TANGO6: variants seen among roughly 807,000 people sequenced by gnomAD.
The protein encoded by TANGO6 is transport and golgi organization 6 homolog.
In TANGO6, 90 loss-of-function variants were observed where a neutral mutation model predicts 114.2. The ratio of observed to expected loss-of-function variants is 0.79; its 90% CI spans 0.66 to 0.94. The LOEUF (loss-of-function observed/expected upper bound fraction) is 0.94. TANGO6 is among the 40% of genes least tolerant of loss of function. The pLI is 0.00. For missense variants in TANGO6, 1,274 were observed against 1,315.3 expected, an observed-to-expected ratio of 0.97 and a Z score of 0.49; for synonymous variants, 477 against 509.8, an observed-to-expected ratio of 0.94 and a Z score of 0.87.
At chr16:68,898,898 G>A (rs1475978240) in intron 7 of TANGO6, among the ~76,000 whole-genome samples, 11 of 151,682 alleles carry the variant, frequency 7.3e-5, no homozygotes, top group Non-Finnish European at 1.5e-5. Context: ...TTTAATTGGA[G>A]TTTTGAATAA....
At chr16:68,890,911 G>C (rs1408653911) in intron 7 of TANGO6, among the ~76,000 whole-genome samples, 6 of 152,014 alleles carry the variant, frequency 3.9e-5, no homozygotes, top group African/African-American at 1.5e-4. Flanking sequence ...TCTAATCCCA[G>C]CTATTCAGGA....
At chr16:68,845,070 C>G (rs1483600549) in intron 1 of TANGO6, among the ~76,000 whole-genome samples, 2 of 150,470 alleles carry the variant, frequency 1.3e-5, no homozygotes, top group Admixed American at 1.3e-4. Flanking sequence ...CAGGTTCAAG[C>G]GATTCTCCTG....
intron 14 of TANGO6, among the ~76,000 whole-genome samples, chr16:68,938,706 C>T (rs1244916639): frequency 6.6e-6 from 1 of 151,990 alleles, no homozygotes; most frequent in Admixed American, 6.6e-5. Flanking sequence ...CCCACATCAG[C>T]AGGGAAGTAT....
intron 11 of TANGO6, among the ~76,000 whole-genome samples, chr16:68,910,653 G>A (rs139062090): frequency 6.0e-4 from 92 of 152,246 alleles, no homozygotes; most frequent in African/African-American, 1.9e-3. Flanking sequence ...GTCACTGCTC[G>A]TGATAATATT....
chr16:68,959,979 GA>G (rs1440147663), intron 14 of TANGO6, among the ~76,000 whole-genome samples: 2 of 152,176 alleles, frequency 1.3e-5, no homozygotes, highest in Admixed American at 1.3e-4. Context: ...GAGGTGTGAG[GA>G]ATGTTTTGTT....
intron 15 of TANGO6, among the ~76,000 whole-genome samples, chr16:68,985,670 G>T (rs1597048022): frequency 6.6e-6 from 1 of 152,226 alleles, no homozygotes; most frequent in East Asian, 1.9e-4. Flanking sequence ...CCATGATTGT[G>T]CCACTGTACT....
chr16:69,034,773 G>C (rs1184933269), intron 16 of TANGO6: 1 of 151,964 alleles, frequency 6.6e-6, no homozygotes, highest in Non-Finnish European at 1.5e-5. Context: ...TAAAGTATAG[G>C]CTCAACCCTT....
intron 17 of TANGO6, among the ~76,000 whole-genome samples, chr16:69,053,071 G>A (rs377223786): frequency 6.6e-6 from 1 of 152,082 alleles, no homozygotes; most frequent in East Asian, 1.9e-4. Flanking sequence ...TCGTGCCACT[G>A]TACTCCTGGC....
intron 17 of TANGO6, among the ~76,000 whole-genome samples, chr16:69,081,495 C>A (rs1467524373): frequency 6.6e-6 from 1 of 151,762 alleles, no homozygotes; most frequent in Non-Finnish European, 1.5e-5. Context: ...AGGTGCGTGC[C>A]ACCACACCTG....
intron 16 of TANGO6, among the ~76,000 whole-genome samples, chr16:69,024,303 G>A (rs1428595267): frequency 6.8e-6 from 1 of 146,080 alleles, no homozygotes; most frequent in Non-Finnish European, 1.5e-5. Context: ...GTCTCGCTCT[G>A]TAGCCCAGGC....
chr16:68,987,357 T>C (rs905992192), intron 15 of TANGO6, among the ~76,000 whole-genome samples: 2 of 152,176 alleles, frequency 1.3e-5, no homozygotes, highest in Non-Finnish European at 2.9e-5. Context: ...TTGCTGTTGT[T>C]GTTGCTGTTG....
intron 7 of TANGO6, among the ~76,000 whole-genome samples, chr16:68,884,005 G>T (rs1344045650): frequency 1.3e-5 from 2 of 152,036 alleles, no homozygotes; most frequent in African/African-American, 2.4e-5. Context: ...CACCTCCCAG[G>T]TTCAAGCGAT....
At chr16:68,884,371 C>T (rs1285068792) in intron 7 of TANGO6, among the ~76,000 whole-genome samples, 1 of 152,138 alleles carries the variant, frequency 6.6e-6, no homozygotes, top group Non-Finnish European at 1.5e-5. Flanking sequence ...GAATATAATG[C>T]TGTTTTTATT....
intron 14 of TANGO6, among the ~76,000 whole-genome samples, chr16:68,939,030 C>G (rs1963324558): frequency 6.8e-6 from 1 of 146,670 alleles, no homozygotes; most frequent in African/African-American, 2.5e-5. Flanking sequence ...TATGATCACA[C>G]CACTGCACTC....
At position 68,921,435 on chromosome 16, in the gene TANGO6, C is replaced by T. The variant is rs926509910; in HGVS notation, c.2127+2216C>T. Reference sequence around the variant, plus strand: ...CTGACCTCAAGTGATTCACCCGCCTCGGCCTCCCAAAGTGTTACAGGCATG... The same window carrying T: ...CTGACCTCAAGTGATTCACCCGCCTTGGCCTCCCAAAGTGTTACAGGCATG... On this transcript the variant is annotated intron_variant, in intron 12 of 17. Transcript: ENST00000261778. 7.9e-5 allele frequency among the ~76,000 whole-genome samples: 12 copies of T among 152,016 alleles called. No homozygotes were observed. The East Asian group carries it at 1.2e-3, about 15-fold the overall frequency.
chr16:68,936,017 C>A (rs772875181), intron 14 of TANGO6, among the ~76,000 whole-genome samples: 1 of 151,976 alleles, frequency 6.6e-6, no homozygotes, highest in Non-Finnish European at 1.5e-5. Flanking sequence ...CTTGTCTCCA[C>A]ACACACAAAA....
At chr16:68,865,425 ACTCACT>A (rs1455162512) in intron 3 of TANGO6, among the ~76,000 whole-genome samples, 4 of 152,160 alleles carry the variant, frequency 2.6e-5, no homozygotes, top group African/African-American at 7.2e-5. Context: ...CAAAATATGC[ACTCACT>A]CTCAAAAGAT....
At chr16:68,947,476 T>A (rs1963427171) in intron 14 of TANGO6, among the ~76,000 whole-genome samples, 1 of 151,894 alleles carries the variant, frequency 6.6e-6, no homozygotes, top group Non-Finnish European at 1.5e-5. Context: ...AAAAGATGTA[T>A]TATGATTGTC....
intron 7 of TANGO6, among the ~76,000 whole-genome samples, chr16:68,892,241 T>C (rs1001856906): frequency 1.4e-4 from 22 of 152,206 alleles, no homozygotes; most frequent in African/African-American, 4.8e-4. Context: ...CTATCGCTTA[T>C]TGCAGAGCAG....
Sources: allele counts gnomAD v4.1 joint callset (sites outside exome capture counted in the v4.1 genomes callset), GRCh38; gene constraint gnomAD v4.1.1; transcripts MANE v1.5; gene names NCBI Gene and HGNC (gene_info 2026-07-23, HGNC 2026-07-21).